The following CPA6 variants were observed in gnomAD, a reference collection of about 807,000 sequenced individuals.
CPA6 encodes carboxypeptidase B.
CPA6 carries 58 observed loss-of-function variants against 63.3 expected under a neutral mutation model. The ratio of observed to expected loss-of-function variants is 0.92; its 90% CI spans 0.74 to 1.14. The LOEUF is 1.14. CPA6 is among the 50% of genes most tolerant of loss of function. CPA6 has a pLI of 0.00. For missense variants in CPA6, 565 were observed against 526.6 expected (o/e 1.07, Z -0.71); for synonymous variants, 185 against 179.0 (o/e 1.03, Z -0.27).
intron 9 of CPA6, among the ~76,000 whole-genome samples, chr8:67,431,302 C>G (rs936903488): frequency 6.6e-6 from 1 of 151,852 alleles, no homozygotes; most frequent in African/African-American, 2.4e-5. Flanking sequence ...TGCAGTGATG[C>G]CATCTTGGCT....
intron 1 of CPA6, among the ~76,000 whole-genome samples, chr8:67,719,002 A>G (rs369065876): frequency 2.6e-5 from 4 of 152,246 alleles, no homozygotes; most frequent in African/African-American, 9.6e-5. Flanking sequence ...GTAGGGGGAA[A>G]AGCTGAGTCT....
chr8:67,437,079 A>G (rs935680981), intron 8 of CPA6, among the ~76,000 whole-genome samples: 2 of 152,166 alleles, frequency 1.3e-5, no homozygotes, highest in Admixed American at 1.3e-4. Context: ...TGGGCTATAG[A>G]TGGAACTCAG....
chr8:67,696,509 C>G (rs1341808873), intron 1 of CPA6, among the ~76,000 whole-genome samples: 2 of 152,204 alleles, frequency 1.3e-5, no homozygotes, highest in Non-Finnish European at 2.9e-5. Flanking sequence ...TCCAGCAATT[C>G]TACTTCGAGG....
intron 1 of CPA6, among the ~76,000 whole-genome samples, chr8:67,681,195 A>ATTTTTTTTTTTTTTTTTTTTTTT (rs1554533441): frequency 3.1e-5 from 3 of 97,144 alleles, no homozygotes; most frequent in African/African-American, 6.0e-5. Flanking sequence ...GGTCACAAAG[A>ATTTTTTTTTTTTTTTTTTTTTTT]TTTTCTTTTT....
intron 1 of CPA6, among the ~76,000 whole-genome samples, chr8:67,694,650 C>A (rs993943443): frequency 1.3e-5 from 2 of 152,206 alleles, no homozygotes; most frequent in African/African-American, 2.4e-5. Flanking sequence ...GCACCTATGG[C>A]CTCATGGGGA....
chr8:67,648,083 G>A (rs1250020788), intron 1 of CPA6, among the ~76,000 whole-genome samples: 5 of 152,168 alleles, frequency 3.3e-5, no homozygotes, highest in Non-Finnish European at 1.5e-5. Flanking sequence ...GGACAAAGGG[G>A]AAGTTCCTTT....
chr8:67,497,224 A>G (rs1251321626), intron 6 of CPA6, among the ~76,000 whole-genome samples: 3 of 151,982 alleles, frequency 2.0e-5, no homozygotes, highest in Non-Finnish European at 4.4e-5. Flanking sequence ...CATTTCCACC[A>G]CTCCAAAAAG....
At chr8:67,636,068 T>G (rs1248140198) in intron 1 of CPA6, among the ~76,000 whole-genome samples, 2 of 151,638 alleles carry the variant, frequency 1.3e-5, no homozygotes, top group African/African-American at 2.4e-5. Context: ...TGGATATCCC[T>G]TAGCAACTTT....
rs137954456 is a variant in CPA6, at chr8:67,712,155, C to T, written c.116+33859G>A. Among the ~76,000 whole-genome samples the T allele has an allele frequency of 3.5e-3, 529 of 152,138 alleles. 2 individuals are homozygous for T. The highest frequency in any genetic ancestry group is 0.012 in the African/African-American group (510 of 41,494). On this transcript the variant is annotated intron_variant, in intron 1 of 10. Transcript: ENST00000297770. ...GAACAGCAATCTTCCATGGCCAAAG[C>T]GGGACACAGCATGGACAGAGCTCTA...
At chr8:67,444,258 G>C (rs1031339125) in intron 8 of CPA6, among the ~76,000 whole-genome samples, 1 of 151,976 alleles carries the variant, frequency 6.6e-6, no homozygotes, top group Admixed American at 6.5e-5. Context: ...AAAGTGCTGG[G>C]ATTACAGGCG....
intron 8 of CPA6, among the ~76,000 whole-genome samples, chr8:67,467,888 A>T (rs1810964286): frequency 1.1e-5 from 1 of 89,912 alleles, no homozygotes; most frequent in Admixed American, 1.1e-4. Flanking sequence ...ACCCCGTCTA[A>T]AAAAAAAAAA....
At chr8:67,720,725 T>C (rs897704296) in intron 1 of CPA6, among the ~76,000 whole-genome samples, 3 of 152,228 alleles carry the variant, frequency 2.0e-5, no homozygotes, top group Admixed American at 6.5e-5. Context: ...TATCGCCGCA[T>C]TGTGTACCCT....
intron 1 of CPA6, among the ~76,000 whole-genome samples, chr8:67,693,639 T>G (rs1421673607): frequency 6.6e-6 from 1 of 152,230 alleles, no homozygotes; most frequent in African/African-American, 2.4e-5. Flanking sequence ...GAGAGCTCCC[T>G]CACTTCTGCC....
chr8:67,740,878 C>G (rs1473907467), intron 1 of CPA6, among the ~76,000 whole-genome samples: 1 of 151,802 alleles, frequency 6.6e-6, no homozygotes. Context: ...CCCCAAACTA[C>G]TTTTCAAAAA....
intron 1 of CPA6, among the ~76,000 whole-genome samples, chr8:67,691,152 G>C (rs1289476853): frequency 1.3e-5 from 2 of 152,152 alleles, no homozygotes; most frequent in Non-Finnish European, 2.9e-5. Flanking sequence ...ATTCACACAA[G>C]AACCAAATAT....
intron 1 of CPA6, among the ~76,000 whole-genome samples, chr8:67,711,791 C>A (rs756125665): frequency 6.6e-6 from 1 of 151,934 alleles, no homozygotes; most frequent in Non-Finnish European, 1.5e-5. Flanking sequence ...AGTCTAATCA[C>A]GAGCCATTCA....
chr8:67,732,169 C>T (rs111532069), intron 1 of CPA6, among the ~76,000 whole-genome samples: 1,945 of 152,246 alleles, frequency 0.013, 44 homozygotes, highest in African/African-American at 0.043. Context: ...ATACCCAAAA[C>T]ACATTGAACA....
chr8:67,556,411 C>A (rs1369438722), intron 2 of CPA6, among the ~76,000 whole-genome samples: 1 of 152,194 alleles, frequency 6.6e-6, no homozygotes, highest in African/African-American at 2.4e-5. Flanking sequence ...TCCACACACA[C>A]TCCTGCACAG....
chr8:67,595,267 G>A (rs902383792), intron 2 of CPA6, among the ~76,000 whole-genome samples: 32 of 152,172 alleles, frequency 2.1e-4, no homozygotes, highest in African/African-American at 7.7e-4. Flanking sequence ...GTACCTGGCC[G>A]TGTGAGGTGT....
Sources: allele counts gnomAD v4.1 joint callset (sites outside exome capture counted in the v4.1 genomes callset), GRCh38; gene constraint gnomAD v4.1.1; transcripts MANE v1.5; gene names NCBI Gene and HGNC (gene_info 2026-07-23, HGNC 2026-07-21).